FGF12: variants seen among roughly 807,000 people sequenced by gnomAD.
FGF12 encodes the protein fibroblast growth factor 12.
Under a neutral mutation model 23.6 loss-of-function variants are expected in FGF12, and 14 were observed. The observed-to-expected ratio is 0.59, with a 90% CI of 0.39 to 0.93. The LOEUF is 0.93. Ranked by LOEUF, FGF12 falls within the 40% of genes least tolerant of loss-of-function variation. The probability of loss-of-function intolerance (pLI) is 0.00; values close to 1 mark genes in which losing one functional copy is unlikely to be tolerated. For synonymous variants in FGF12, 62 were observed against 77.3 expected, an observed-to-expected ratio of 0.80 and a Z score of 1.04; for missense variants, 175 against 217.8, an observed-to-expected ratio of 0.80 and a Z score of 1.24.
intron 4 of FGF12, among the ~76,000 whole-genome samples, chr3:192,323,406 T>C (rs1348573315): frequency 1.3e-5 from 2 of 152,236 alleles, no homozygotes; most frequent in Non-Finnish European, 2.9e-5. Context: ...TCCTGTCATC[T>C]GCAACAACAT....
At position 192,316,685 on chromosome 3, in the gene FGF12, A is replaced by G. The variant is rs140485257; in HGVS notation, c.228+18676T>C. On this transcript the variant is annotated intron_variant, in intron 4 of 5. Transcript: ENST00000445105. Reference sequence around the variant, plus strand: ...GGCAGCCTAGACAACAAAGCCTGCAATTCCTGGACAAGTCCTGCTGCTGGG... The same window carrying G: ...GGCAGCCTAGACAACAAAGCCTGCAGTTCCTGGACAAGTCCTGCTGCTGGG... 1.4e-3 allele frequency among the ~76,000 whole-genome samples: 207 copies of G among 152,262 alleles called. 1 individual carries two copies. Among genetic ancestry groups the G allele is most frequent in the African/African-American group, 4.7e-3 (196 of 41,566 alleles).
chr3:192,629,968 G>A (rs1035948027), intron 2 of FGF12, among the ~76,000 whole-genome samples: 1 of 152,170 alleles, frequency 6.6e-6, no homozygotes, highest in Admixed American at 6.5e-5. Flanking sequence ...GGCCCAAATC[G>A]CATGTTGAAC....
chr3:192,671,369 T>C (rs1028996182), intron 2 of FGF12, among the ~76,000 whole-genome samples: 1 of 152,220 alleles, frequency 6.6e-6, no homozygotes, highest in Admixed American at 6.5e-5. Context: ...TACCATTGAT[T>C]CTGGATTAGG....
intron 4 of FGF12, among the ~76,000 whole-genome samples, chr3:192,186,560 C>T (rs953213806): frequency 3.3e-5 from 5 of 152,140 alleles, no homozygotes; most frequent in Admixed American, 6.5e-5. Context: ...TTCTTCAGAT[C>T]ATCAACTACA....
intron 4 of FGF12, among the ~76,000 whole-genome samples, chr3:192,236,613 T>C (rs2108590214): frequency 6.6e-6 from 1 of 152,292 alleles, no homozygotes; most frequent in East Asian, 1.9e-4. Context: ...ATTCCCTTAT[T>C]TGTCCCTTTT....
chr3:192,569,282 T>C (rs1410808966), intron 2 of FGF12, among the ~76,000 whole-genome samples: 1 of 152,180 alleles, frequency 6.6e-6, no homozygotes. Context: ...CCCTCAAATA[T>C]CAGTTGCTTC....
At chr3:192,231,718 C>A (rs372177022) in intron 4 of FGF12, among the ~76,000 whole-genome samples, 4 of 151,570 alleles carry the variant, frequency 2.6e-5, no homozygotes, top group African/African-American at 9.7e-5. Flanking sequence ...TGCAGTGAGC[C>A]GTGAAGGTGC....
chr3:192,529,577 T>C (rs1318318749), intron 2 of FGF12, among the ~76,000 whole-genome samples: 1 of 152,186 alleles, frequency 6.6e-6, no homozygotes, highest in East Asian at 1.9e-4. Context: ...CTGGTATCAA[T>C]TTACTGTATT....
intron 2 of FGF12, among the ~76,000 whole-genome samples, chr3:192,369,423 A>G (rs1329587604): frequency 1.3e-5 from 2 of 152,248 alleles, no homozygotes; most frequent in African/African-American, 4.8e-5. Context: ...TCACATTTCA[A>G]CAGGAATCGA....
chr3:192,651,108 A>C (rs1716200051), intron 2 of FGF12, among the ~76,000 whole-genome samples: 1 of 152,214 alleles, frequency 6.6e-6, no homozygotes, highest in African/African-American at 2.4e-5. Flanking sequence ...TAAATGTGTA[A>C]ATTCAGGTGA....
rs1344993357 is a variant in FGF12 at position 192,409,716 on chromosome 3, C to G, written c.14-49178G>C. Among the ~76,000 whole-genome samples, 7 of 152,138 alleles carry G rather than the reference C, an allele frequency of 4.6e-5. No individual in the cohort carries two copies. Among genetic ancestry groups the G allele is most frequent in the African/African-American group, 9.6e-5 (4 of 41,456 alleles). ...GGAGCTGCCCACCATGGTCTGGCGCCAGGGGCGCAGGCGGGGCCCCTAGGC... is the reference window on the plus strand; with the variant it reads ...GGAGCTGCCCACCATGGTCTGGCGCGAGGGGCGCAGGCGGGGCCCCTAGGC... On this transcript the variant is annotated intron_variant, in intron 2 of 5. Coordinates refer to ENST00000445105, the MANE Select transcript of FGF12 (RefSeq NM_004113.6). The surrounding 1 kb of genome is among the most constrained non-coding windows in gnomAD (Gnocchi z 4.8).
chr3:192,660,457 A>G (rs1356839832), intron 2 of FGF12, among the ~76,000 whole-genome samples: 3 of 151,650 alleles, frequency 2.0e-5, no homozygotes, highest in Admixed American at 1.3e-4. Context: ...ACATGTATAC[A>G]TATGTAACAA....
intron 2 of FGF12, among the ~76,000 whole-genome samples, chr3:192,445,160 A>G (rs1722315185): frequency 6.6e-6 from 1 of 152,232 alleles, no homozygotes; most frequent in African/African-American, 2.4e-5. Context: ...ACCTTTTCAT[A>G]TTTAACACCA....
chr3:192,469,236 G>A lies in FGF12; in HGVS notation c.14-108698C>T, dbSNP rs572536364. Among the ~76,000 whole-genome samples, 173 of 152,274 alleles carry A rather than the reference G, an allele frequency of 1.1e-3. 1 individual carries two copies. Among genetic ancestry groups the A allele is most frequent in the Admixed American group, 3.4e-3 (52 of 15,292 alleles). On this transcript the variant is annotated intron_variant, in intron 2 of 5. Transcript: ENST00000445105. ...TTATGAAAGAATGCAATTTAGAAAT[G>A]AAACTTAGATCTGGTTGCTAAGTGT...
At chr3:192,695,748 C>T (rs1322009627) in intron 2 of FGF12, among the ~76,000 whole-genome samples, 1 of 152,090 alleles carries the variant, frequency 6.6e-6, no homozygotes, top group Non-Finnish European at 1.5e-5. Context: ...CTAAGTTTTG[C>T]CTACTTATTG....
At chr3:192,174,630 A>G (rs1455131272) in intron 4 of FGF12, among the ~76,000 whole-genome samples, 1 of 151,926 alleles carries the variant, frequency 6.6e-6, no homozygotes, top group African/African-American at 2.4e-5. Context: ...CCTTTACAAT[A>G]TATGTGCAGT....
chr3:192,547,766 C>T (rs1368916761), intron 2 of FGF12, among the ~76,000 whole-genome samples: 1 of 152,200 alleles, frequency 6.6e-6, no homozygotes, highest in Non-Finnish European at 1.5e-5. Context: ...TATTCCTCAT[C>T]ACAGCACTGG....
rs145276776 is a variant in FGF12, at chr3:192,245,913, A to T, written c.229-75257T>A. Among the ~76,000 whole-genome samples the T allele has an allele frequency of 2.4e-3, 364 of 152,334 alleles. 2 individuals are homozygous for T. The highest frequency in any genetic ancestry group is 4.7e-3 in the Non-Finnish European group (323 of 68,020). On this transcript the variant is annotated intron_variant, in intron 4 of 5. Coordinates refer to ENST00000445105, the MANE Select transcript of FGF12 (RefSeq NM_004113.6). ...TAATGCTAAAAGACTGAATAAATGT[A>T]ATAGTAAAAAAGTGATTAGTAGGAC... is the stretch of plus-strand genomic sequence containing the variant.
chr3:192,476,137 C>T (rs1287565862), intron 2 of FGF12, among the ~76,000 whole-genome samples: 1 of 152,032 alleles, frequency 6.6e-6, no homozygotes, highest in Non-Finnish European at 1.5e-5. Flanking sequence ...CATACATGGC[C>T]TAAACATTGG....
Sources: allele counts gnomAD v4.1 joint callset (sites outside exome capture counted in the v4.1 genomes callset), GRCh38; gene constraint gnomAD v4.1.1; non-coding constraint Gnocchi (gnomAD v3.1); transcripts MANE v1.5; gene names NCBI Gene and HGNC (gene_info 2026-07-23, HGNC 2026-07-21).